The following FRMD3 variants were observed in gnomAD, a reference collection of about 807,000 sequenced individuals.
The protein encoded by FRMD3 is FERM domain containing 3.
In FRMD3, 33 loss-of-function variants were observed where a neutral mutation model predicts 70.2. That is an observed-to-expected ratio of 0.47 (90% confidence interval 0.36 to 0.63). FRMD3 has a LOEUF of 0.63. Ranked by LOEUF, FRMD3 falls within the 20% of genes least tolerant of loss-of-function variation. The pLI is 0.00. For missense variants in FRMD3, 632 were observed against 711.4 expected (o/e 0.89, Z 1.27); for synonymous variants, 279 against 255.9 (o/e 1.09, Z -0.86).
intron 6 of FRMD3, among the ~76,000 whole-genome samples, chr9:83,332,131 T>A (rs1025888590): frequency 6.6e-6 from 1 of 152,182 alleles, no homozygotes; most frequent in African/African-American, 2.4e-5. Context: ...TGGGTGTTTG[T>A]TTCCTCAGCA....
At chr9:83,317,032 C>T (rs983810375) in intron 6 of FRMD3, among the ~76,000 whole-genome samples, 2 of 151,986 alleles carry the variant, frequency 1.3e-5, no homozygotes, top group African/African-American at 4.8e-5. Flanking sequence ...AGCAAGGTCA[C>T]TTCTAAAAAA....
At chr9:83,446,832 G>T (rs1387336553) in intron 1 of FRMD3, among the ~76,000 whole-genome samples, 1 of 152,044 alleles carries the variant, frequency 6.6e-6, no homozygotes, top group African/African-American at 2.4e-5. Context: ...CTTGAGTATG[G>T]GGTGCTAAAT....
chr9:83,558,543 G>A, the FRMD3 span, among the ~76,000 whole-genome samples: 1 of 152,298 alleles, frequency 6.6e-6, no homozygotes, highest in South Asian at 2.1e-4. Flanking sequence ...GATGAATGTT[G>A]TTTTCATGCC....
chr9:83,319,478 G>C (rs907437869), intron 6 of FRMD3, among the ~76,000 whole-genome samples: 4 of 152,178 alleles, frequency 2.6e-5, no homozygotes, highest in African/African-American at 9.7e-5. Context: ...CTGAAATGCA[G>C]TGGCATGATC....
At chr9:83,357,296 T>TAAA (rs1564032968) in intron 3 of FRMD3, among the ~76,000 whole-genome samples, 1 of 79,582 alleles carries the variant, frequency 1.3e-5, no homozygotes, top group African/African-American at 4.9e-5. Context: ...TATATATATA[T>TAAA]AAAACATTTT....
chr9:83,575,753 C>T, the FRMD3 span, among the ~76,000 whole-genome samples: 1 of 152,178 alleles, frequency 6.6e-6, no homozygotes, highest in Non-Finnish European at 1.5e-5. Flanking sequence ...GATTGAATTA[C>T]TAGCTTTTAA....
chr9:83,479,218 G>T (rs1157600615), intron 1 of FRMD3, among the ~76,000 whole-genome samples: 1 of 151,656 alleles, frequency 6.6e-6, no homozygotes, highest in African/African-American at 2.4e-5. Flanking sequence ...AGGAGAATGA[G>T]GTGAGAGGAT....
chr9:83,516,220 A>C (rs1273721162), intron 1 of FRMD3, among the ~76,000 whole-genome samples: 1 of 152,016 alleles, frequency 6.6e-6, no homozygotes, highest in Non-Finnish European at 1.5e-5. Flanking sequence ...TATTCAGGAG[A>C]CCCATCTCAC....
At chr9:83,449,715 A>G (rs937010676) in intron 1 of FRMD3, among the ~76,000 whole-genome samples, 1 of 152,074 alleles carries the variant, frequency 6.6e-6, no homozygotes, top group African/African-American at 2.4e-5. Context: ...TCAGCTCTAG[A>G]CTCATGTTTG....
chr9:83,502,944 A>G (rs903328583), intron 1 of FRMD3, among the ~76,000 whole-genome samples: 2 of 152,142 alleles, frequency 1.3e-5, no homozygotes, highest in African/African-American at 4.8e-5. Context: ...CTGGAAATAC[A>G]AGCACACTGT....
chr9:83,520,611 G>A (rs1278205622), intron 1 of FRMD3, among the ~76,000 whole-genome samples: 1 of 152,200 alleles, frequency 6.6e-6, no homozygotes, highest in East Asian at 1.9e-4. Context: ...GCAAGGGCTC[G>A]ATAGCCATCT....
chr9:83,316,403 T>C (rs983913469), intron 6 of FRMD3, among the ~76,000 whole-genome samples: 5 of 152,190 alleles, frequency 3.3e-5, no homozygotes, highest in Non-Finnish European at 7.4e-5. Context: ...GCAATCCACC[T>C]GCCTCAGCCT....
intron 1 of FRMD3, among the ~76,000 whole-genome samples, chr9:83,461,396 G>A (rs1375452027): frequency 6.6e-6 from 1 of 151,708 alleles, no homozygotes; most frequent in East Asian, 1.9e-4. Context: ...GACCCACTAA[G>A]TTTCAAGCCA....
At chr9:83,427,979 C>T (rs1239884400) in intron 1 of FRMD3, among the ~76,000 whole-genome samples, 1 of 152,212 alleles carries the variant, frequency 6.6e-6, no homozygotes, top group Non-Finnish European at 1.5e-5. Context: ...GTTTAGAAAA[C>T]AACTTGTCAT....
the FRMD3 span, among the ~76,000 whole-genome samples, chr9:83,572,076 C>G: frequency 1.3e-5 from 2 of 152,020 alleles, no homozygotes; most frequent in African/African-American, 4.8e-5. Context: ...TTGAGAACCA[C>G]TAGACTCACA....
At chr9:83,298,687 A>G (rs1427759386) in intron 12 of FRMD3, 61 bp downstream of exon 12, 4 of 1,241,856 alleles carry the variant, frequency 3.2e-6, no homozygotes, top group Admixed American at 1.7e-5. Flanking sequence ...GGGATGTTAT[A>G]GGGGATTTGG....
At chr9:83,540,212 C>T (rs1421421132), upstream of FRMD3, among the ~76,000 whole-genome samples, 1 of 152,170 alleles carries the variant, frequency 6.6e-6, no homozygotes, top group Non-Finnish European at 1.5e-5. Flanking sequence ...ATCATCTCTG[C>T]TAGCCAAAAG....
intron 6 of FRMD3, among the ~76,000 whole-genome samples, chr9:83,328,734 A>G (rs577628759): frequency 6.6e-6 from 1 of 152,326 alleles, no homozygotes; most frequent in African/African-American, 2.4e-5. Flanking sequence ...CCACACTACT[A>G]CAGTGCCCCA....
chr9:83,538,801 C>T (rs1001416660), upstream of FRMD3, among the ~76,000 whole-genome samples: 2 of 150,356 alleles, frequency 1.3e-5, no homozygotes, highest in Non-Finnish European at 2.9e-5. This position sits in a 1 kb window ranked among gnomAD's most constrained non-coding sequence, Gnocchi z 4.7. Context: ...GCTCCAGGGA[C>T]CTGGCGCGGG....
Sources: allele counts gnomAD v4.1 joint callset (sites outside exome capture counted in the v4.1 genomes callset), GRCh38; gene constraint gnomAD v4.1.1; non-coding constraint Gnocchi (gnomAD v3.1); transcripts MANE v1.5; gene names NCBI Gene and HGNC (gene_info 2026-07-23, HGNC 2026-07-21).